The following SKIC8 variants were observed in gnomAD, a reference collection of about 807,000 sequenced individuals.
SKIC8 encodes the protein SKI8 subunit of superkiller complex, also known as superkiller complex protein 8.
chr15:78,295,221 A>G, the SKIC8 span: 1 of 571,638 alleles, frequency 1.7e-6, no homozygotes, highest in Non-Finnish European at 3.1e-6. Flanking sequence ...CTCACTCAAC[A>G]AGAGACCAAT....
the SKIC8 span, chr15:78,294,701 T>C: frequency 1.6e-5 from 7 of 435,420 alleles, no homozygotes; most frequent in African/African-American, 1.0e-4. Flanking sequence ...TGGAAAAATT[T>C]TCCTCAGCCT....
the SKIC8 span, chr15:78,283,406 C>T: frequency 6.4e-7 from 1 of 1,569,030 alleles, no homozygotes; most frequent in Non-Finnish European, 8.8e-7. Context: ...ATTCTCTTTG[C>T]AGCATAAGCC....
chr15:78,287,948 C>T, the SKIC8 span, among the ~76,000 whole-genome samples: 1 of 152,106 alleles, frequency 6.6e-6, no homozygotes, highest in African/African-American at 2.4e-5. Flanking sequence ...CTTCCTGTCC[C>T]CAGGGGCCAG....
At chr15:78,293,038 T>C in the SKIC8 span, 45 of 873,984 alleles carry the variant, frequency 5.1e-5, no homozygotes, top group Non-Finnish European at 7.1e-5. Flanking sequence ...AGCTGCTGTT[T>C]TATACCACCA....
chr15:78,290,062 C>T, the SKIC8 span: 1 of 1,614,010 alleles, frequency 6.2e-7, no homozygotes. Flanking sequence ...TGGCCAGATA[C>T]TGGGAATCAG....
At chr15:78,292,527 T>A in the SKIC8 span, 1,833 of 1,551,864 alleles carry the variant, frequency 1.2e-3, 19 homozygotes, top group African/African-American at 0.022. Flanking sequence ...ATCCAAAAAA[T>A]TCTGAGCTGT....
chr15:78,298,541 T>C, the SKIC8 span, among the ~76,000 whole-genome samples: 1 of 152,232 alleles, frequency 6.6e-6, no homozygotes, highest in Non-Finnish European at 1.5e-5. Context: ...TACACTGTTA[T>C]AATTCTATTT....
At chr15:78,294,992 C>T in the SKIC8 span, 1 of 1,613,990 alleles carries the variant, frequency 6.2e-7, no homozygotes. Flanking sequence ...GAACAGAAGC[C>T]ACATTAAACC....
the SKIC8 span, among the ~76,000 whole-genome samples, chr15:78,298,727 GGTAA>G: frequency 6.6e-6 from 1 of 152,130 alleles, no homozygotes; most frequent in South Asian, 2.1e-4. Context: ...GTCAAACCAC[GGTAA>G]GTCAGTCAGG....
At chr15:78,287,430 G>A in the SKIC8 span, among the ~76,000 whole-genome samples, 4 of 152,344 alleles carry the variant, frequency 2.6e-5, no homozygotes, top group Admixed American at 2.6e-4. Context: ...TGTTTCTACT[G>A]TGAGGTTTAA....
chr15:78,288,464 G>T, the SKIC8 span: 1 of 1,340,462 alleles, frequency 7.5e-7, no homozygotes, highest in Non-Finnish European at 1.1e-6. Flanking sequence ...CCCTTTTAAT[G>T]ATTATGAGCC....
At chr15:78,293,007 G>A in the SKIC8 span, 1 of 820,370 alleles carries the variant, frequency 1.2e-6, no homozygotes, top group Non-Finnish European at 1.9e-6. Context: ...CAGAGTAACA[G>A]GAAAACAAGT....
At chr15:78,285,206 T>C in the SKIC8 span, 2 of 1,563,318 alleles carry the variant, frequency 1.3e-6, no homozygotes, top group East Asian at 4.5e-5. Flanking sequence ...AAAATCTCTT[T>C]GGTACAATGG....
At chr15:78,297,098 T>C in the SKIC8 span, among the ~76,000 whole-genome samples, 1 of 152,192 alleles carries the variant, frequency 6.6e-6, no homozygotes, top group African/African-American at 2.4e-5. Flanking sequence ...AACACACATA[T>C]TTTCTCCATA....
the SKIC8 span, among the ~76,000 whole-genome samples, chr15:78,298,211 C>T: frequency 6.6e-6 from 1 of 152,164 alleles, no homozygotes; most frequent in Admixed American, 6.5e-5. Flanking sequence ...CATTCTGGGC[C>T]TCACATTTGG....
At chr15:78,290,111 AAAG>A in the SKIC8 span, 15 of 1,604,344 alleles carry the variant, frequency 9.3e-6, no homozygotes, top group Admixed American at 3.5e-5. Flanking sequence ...TGAACAGAAA[AAAG>A]AAGGACAAAA....
chr15:78,291,144 C>G, the SKIC8 span: 1 of 152,206 alleles, frequency 6.6e-6, no homozygotes, highest in South Asian at 2.1e-4. Flanking sequence ...TGGAGAATAT[C>G]CAGTAAAAGG....
the SKIC8 span, chr15:78,285,089 C>T: frequency 1.6e-5 from 10 of 624,884 alleles, 1 homozygote; most frequent in South Asian, 1.4e-4. Context: ...CTCTGCACCC[C>T]AGACTCTGCA....
chr15:78,295,494 G>C, the SKIC8 span: 1 of 712,594 alleles, frequency 1.4e-6, no homozygotes, highest in Non-Finnish European at 2.5e-6. Flanking sequence ...CCTCCTCTCA[G>C]TATTTGCATT....
Sources: gnomAD v4.1 joint callset for allele counts (sites outside exome capture counted in the v4.1 genomes callset) on GRCh38, gnomAD v4.1.1 for gene constraint, MANE v1.5 for transcripts, NCBI Gene and HGNC (gene_info 2026-07-23, HGNC 2026-07-21) for gene names.